Variants in CAPN9 observed in about 807,000 individuals in gnomAD.
CAPN9 encodes calpain 9, also known as calpain-9.
CAPN9 carries 81 observed loss-of-function variants against 92.8 expected under a neutral mutation model. The observed-to-expected ratio is 0.87, with a 90% CI of 0.73 to 1.05. CAPN9 has a LOEUF of 1.05. CAPN9 is among the 50% of genes least tolerant of loss of function. The pLI is 0.00. For missense variants in CAPN9, 848 were observed against 866.2 expected (o/e 0.98, Z 0.26); for synonymous variants, 304 against 328.0 (o/e 0.93, Z 0.79).
At chr1:230,789,302 G>C (rs1420959000) in intron 13 of CAPN9, among the ~76,000 whole-genome samples, 1 of 151,992 alleles carries the variant, frequency 6.6e-6, no homozygotes, top group Non-Finnish European at 1.5e-5. Flanking sequence ...AACATAGGGA[G>C]AGCCCATCTC....
chr1:230,748,617 T>G (rs6541330), intron 1 of CAPN9, among the ~76,000 whole-genome samples: 3 of 151,976 alleles, frequency 2.0e-5, no homozygotes, highest in Non-Finnish European at 2.9e-5. Flanking sequence ...TAATGGCTAA[T>G]GCAGGCCAAT....
At chr1:230,782,396 A>C (rs1667283255) in intron 11 of CAPN9, among the ~76,000 whole-genome samples, 1 of 152,134 alleles carries the variant, frequency 6.6e-6, no homozygotes, top group Non-Finnish European at 1.5e-5. Flanking sequence ...GACTACCCCC[A>C]ATTGATGTTA....
chr1:230,776,222 T>C (rs1282740358), intron 8 of CAPN9: 1 of 152,134 alleles, frequency 6.6e-6, no homozygotes, highest in East Asian at 1.9e-4. Flanking sequence ...CCTCACATGG[T>C]AGAAAGAGGG....
At chr1:230,778,453 G>A (rs1666973775) in intron 8 of CAPN9, among the ~76,000 whole-genome samples, 2 of 152,176 alleles carry the variant, frequency 1.3e-5, no homozygotes, top group African/African-American at 4.8e-5. Flanking sequence ...TCTTCTCAGA[G>A]TCAAAGCCAA....
chr1:230,790,785 A>AAC (rs954338016), intron 14 of CAPN9, among the ~76,000 whole-genome samples: 16 of 151,954 alleles, frequency 1.1e-4, no homozygotes, highest in East Asian at 5.8e-4. Context: ...ACTAAAAATA[A>AAC]ACACACACAC....
At chr1:230,773,398 T>C (rs2102877171) in intron 7 of CAPN9, among the ~76,000 whole-genome samples, 1 of 152,254 alleles carries the variant, frequency 6.6e-6, no homozygotes, top group African/African-American at 2.4e-5. Context: ...CGTTGTAAGA[T>C]GTGCAGTGCC....
At chr1:230,794,859 A>G (rs1279074642) in intron 17 of CAPN9, among the ~76,000 whole-genome samples, 1 of 152,216 alleles carries the variant, frequency 6.6e-6, no homozygotes, top group African/African-American at 2.4e-5. Flanking sequence ...GCGAGACTCT[A>G]TGGGTGATGT....
intron 19 of CAPN9, 22 bp from the exon 20 acceptor site, chr1:230,801,548 A>ATC (rs112880876): frequency 8.1e-5 from 130 of 1,596,238 alleles, no homozygotes; most frequent in African/African-American, 3.9e-4. Context: ...ACGACCCCTC[A>ATC]TCTCTCTCTC....
Position 230,774,537 on chromosome 1 carries a change from ATT to A in CAPN9, c.876-14_876-13del. On this transcript the variant is annotated splice_polypyrimidine_tract_variant and intron_variant, in intron 7 of 19. Transcript: ENST00000271971. ...CATCATGACCTCTGCCTGAACACCA[ATT>A]TTGTTTACTCCTAGTTCTCCGGAGT... 1 of 1,596,550 alleles carries A rather than the reference ATT, an allele frequency of 6.3e-7. No individual in the cohort carries two copies. Among genetic ancestry groups the A allele is most frequent in the Non-Finnish European group, 8.6e-7 (1 of 1,164,198 alleles).
At chr1:230,752,778 G>A in intron 1 of CAPN9, 1 of 882,560 alleles carries the variant, frequency 1.1e-6, no homozygotes, top group Non-Finnish European at 1.4e-6. Context: ...GCAGGGGCTG[G>A]GCAATCAAGA....
Position 230,792,895 on chromosome 1 carries a change from A to G in CAPN9, c.1837A>G (p.Thr613Ala), listed in dbSNP as rs1308186432. ...TGCTGACAAGTCCGGCACCATGTCT[A>G]CCTATGAACTACGGACTGCACTGAA... The part of the protein sequence containing the change: ...FDADKSGTMS[T>A]YELRTALKAA... The change falls in exon 17 of 20, where the codon ACC (threonine) becomes GCC (alanine). Residue 613 changes from threonine (T) to alanine (A), a missense_variant. Thr to Ala is a moderately conservative substitution (Grantham distance 58). Coordinates refer to ENST00000271971, the MANE Select transcript of CAPN9 (RefSeq NM_006615.3). 1 of 1,614,086 alleles carries G rather than the reference A, an allele frequency of 6.2e-7. No homozygotes were observed. Among genetic ancestry groups the G allele is most frequent in the Non-Finnish European group, 8.5e-7 (1 of 1,179,950 alleles).
rs150832269 is a variant in CAPN9 at position 230,780,600 on chromosome 1, G to A, written c.1373G>A (p.Arg458Gln). The change falls in exon 11 of 20, where the codon CGG becomes CAG. Residue 458 changes from arginine (R) to glutamine (Q), a missense_variant. Coordinates refer to ENST00000271971, the MANE Select transcript of CAPN9 (RefSeq NM_006615.3). ...ATCAACCTGAGAGAAGTCTCCGACCGGTTCAAGCTGCCCCCTGGGGAGTAC... is the reference window on the plus strand; with the variant it reads ...ATCAACCTGAGAGAAGTCTCCGACCAGTTCAAGCTGCCCCCTGGGGAGTAC... ...TFINLREVSD[R>Q]FKLPPGEYIL... The A allele has an allele frequency of 1.9e-5, 31 of 1,614,004 alleles. No homozygotes were observed. Among genetic ancestry groups the A allele is most frequent in the Non-Finnish European group, 2.4e-5 (28 of 1,179,998 alleles).
intron 1 of CAPN9, among the ~76,000 whole-genome samples, chr1:230,750,632 A>G (rs113802713): frequency 0.018 from 2,777 of 152,252 alleles, 79 homozygotes; most frequent in African/African-American, 0.062. Context: ...AGTGGGACTC[A>G]GCATTACACG....
intron 6 of CAPN9, among the ~76,000 whole-genome samples, chr1:230,771,485 G>A (rs12404010): frequency 0.067 from 10,177 of 152,302 alleles, 404 homozygotes; most frequent in South Asian, 0.13. Context: ...TCTAGAAGAC[G>A]TAAAAGCTGT....
intron 1 of CAPN9, among the ~76,000 whole-genome samples, chr1:230,750,283 A>G (rs543326548): frequency 6.6e-6 from 1 of 152,126 alleles, no homozygotes; most frequent in East Asian, 1.9e-4. Flanking sequence ...CCTACGGCAG[A>G]CCCTTTATTG....
Position 230,772,118 on chromosome 1 carries a change from C to G in CAPN9, c.875+19C>G, listed in dbSNP as rs755387691. On this transcript the variant is annotated intron_variant, in intron 7 of 19. Transcript: ENST00000271971. ...GCGACAGGTCAGTCACCCTATCCTG[C>G]CTCTCTGGCTGGTTCCCGGGGCGTG... 4 of 1,609,610 alleles carry G rather than the reference C, an allele frequency of 2.5e-6. No individual in the cohort carries two copies. The South Asian group carries it at 3.3e-5, about 13-fold the overall frequency.
intron 11 of CAPN9, among the ~76,000 whole-genome samples, chr1:230,785,354 T>C (rs1666053896): frequency 1.3e-5 from 2 of 152,152 alleles, no homozygotes; most frequent in African/African-American, 2.4e-5. Flanking sequence ...TGAGGGCCCA[T>C]AGCAGAATGA....
chr1:230,793,011 C>A, intron 17 of CAPN9, 83 bp downstream of exon 17: 1 of 1,033,352 alleles, frequency 9.7e-7, no homozygotes, highest in Non-Finnish European at 1.5e-6. Context: ...CAGGTCTTCT[C>A]TCTGCTGCCC....
At position 230,769,995 on chromosome 1, in the gene CAPN9, T is replaced by C. The variant is rs28741092; in HGVS notation, c.789+732T>C. ...TTCTTTACGTTATCGATAAGACTTC[T>C]GGTCAATGGTAGGCTATTCGGAGTT... On this transcript the variant is annotated intron_variant, in intron 6 of 19. Transcript: ENST00000271971. 7.3e-3 allele frequency among the ~76,000 whole-genome samples: 1,106 copies of C among 152,324 alleles called. 11 individuals carry two copies. The highest frequency in any genetic ancestry group is 0.025 in the African/African-American group (1,034 of 41,578).
Sources: allele counts gnomAD v4.1 joint callset (sites outside exome capture counted in the v4.1 genomes callset), GRCh38; gene constraint gnomAD v4.1.1; transcripts MANE v1.5; gene names NCBI Gene and HGNC (gene_info 2026-07-23, HGNC 2026-07-21).